The following FGF12 variants were observed in gnomAD, a reference collection of about 807,000 sequenced individuals.
The protein encoded by FGF12 is fibroblast growth factor 12B.
A neutral mutation model predicts 23.6 loss-of-function variants in FGF12; 14 were observed. The observed-to-expected ratio is 0.59, with a 90% CI of 0.39 to 0.93. The LOEUF (loss-of-function observed/expected upper bound fraction) is 0.93, where lower values mean the gene tolerates loss of function less well. FGF12 is among the 40% of genes least tolerant of loss of function. The pLI, the probability that FGF12 is intolerant of heterozygous loss-of-function variation, is 0.00. For synonymous variants in FGF12, 62 were observed against 77.3 expected (o/e 0.80, Z 1.04); for missense variants, 175 against 217.8 (o/e 0.80, Z 1.24).
chr3:192,695,494 C>T (rs1341330458), intron 2 of FGF12, among the ~76,000 whole-genome samples: 1 of 152,154 alleles, frequency 6.6e-6, no homozygotes, highest in Non-Finnish European at 1.5e-5. Context: ...ATACCAGAAA[C>T]TTTCCTATCA....
At chr3:192,305,770 T>C (rs965329291) in intron 4 of FGF12, among the ~76,000 whole-genome samples, 1 of 148,934 alleles carries the variant, frequency 6.7e-6, no homozygotes, top group Admixed American at 6.7e-5. Flanking sequence ...TGTCGGACAC[T>C]GATATTAGTG....
chr3:192,341,489 T>C (rs2108708641), intron 3 of FGF12, among the ~76,000 whole-genome samples: 1 of 152,332 alleles, frequency 6.6e-6, no homozygotes, highest in African/African-American at 2.4e-5. Flanking sequence ...TCATCTTTGA[T>C]AGTTCTCAGC....
At chr3:192,624,127 G>T (rs967350193) in intron 2 of FGF12, among the ~76,000 whole-genome samples, 3 of 151,686 alleles carry the variant, frequency 2.0e-5, no homozygotes, top group Non-Finnish European at 4.4e-5. Flanking sequence ...AGTGAAATTT[G>T]CTAATACTTT....
intron 4 of FGF12, among the ~76,000 whole-genome samples, chr3:192,227,918 T>G (rs991372078): frequency 3.9e-5 from 6 of 152,190 alleles, no homozygotes; most frequent in Non-Finnish European, 5.9e-5. Context: ...TGTTTCCTCT[T>G]TCTACTTTTC....
At chr3:192,187,101 A>T (rs1716513391) in intron 4 of FGF12, among the ~76,000 whole-genome samples, 1 of 152,188 alleles carries the variant, frequency 6.6e-6, no homozygotes, top group Admixed American at 6.5e-5. Context: ...TCATCAGTTT[A>T]GCTTGTATTC....
chr3:192,703,043 A>G (rs1234511329), intron 2 of FGF12, among the ~76,000 whole-genome samples: 1 of 152,224 alleles, frequency 6.6e-6, no homozygotes, highest in Non-Finnish European at 1.5e-5. Context: ...AAAACGGTAC[A>G]TAAGAAACAC....
intron 2 of FGF12, among the ~76,000 whole-genome samples, chr3:192,573,750 T>C (rs1712754841): frequency 6.6e-6 from 1 of 152,172 alleles, no homozygotes; most frequent in Admixed American, 6.5e-5. Flanking sequence ...CCCAACCAAA[T>C]TTGGGTATAA....
chr3:192,644,753 C>T (rs1438904499), intron 2 of FGF12, among the ~76,000 whole-genome samples: 2 of 152,236 alleles, frequency 1.3e-5, no homozygotes, highest in Non-Finnish European at 2.9e-5. Flanking sequence ...CTGAAGCCTA[C>T]GTCAGCAGAG....
intron 2 of FGF12, among the ~76,000 whole-genome samples, chr3:192,528,714 G>C (rs1305698833): frequency 6.6e-6 from 1 of 152,176 alleles, no homozygotes; most frequent in African/African-American, 2.4e-5. Context: ...TGAAATCTAG[G>C]TGGAGGTTCC....
intron 2 of FGF12, among the ~76,000 whole-genome samples, chr3:192,651,471 C>G (rs983077798): frequency 6.6e-6 from 1 of 152,000 alleles, no homozygotes; most frequent in African/African-American, 2.4e-5. Flanking sequence ...AAATAAGAGG[C>G]CTGCTTCTCA....
chr3:192,191,354 A>G (rs1282260085), intron 4 of FGF12, among the ~76,000 whole-genome samples: 3 of 152,180 alleles, frequency 2.0e-5, no homozygotes, highest in Non-Finnish European at 4.4e-5. Flanking sequence ...CCAAGAGTGA[A>G]CCCTATTGTA....
intron 2 of FGF12, among the ~76,000 whole-genome samples, chr3:192,548,992 C>T (rs1178167543): frequency 1.3e-5 from 2 of 152,188 alleles, no homozygotes; most frequent in Admixed American, 6.5e-5. Flanking sequence ...CTCTACATCA[C>T]TTCTCTATTA....
chr3:192,145,169 A>G (rs1713626098), intron 5 of FGF12, among the ~76,000 whole-genome samples: 1 of 152,232 alleles, frequency 6.6e-6, no homozygotes, highest in Non-Finnish European at 1.5e-5. Context: ...TAATTTGGAC[A>G]CATTTTCATA....
chr3:192,428,107 T>C (rs1161208020), intron 2 of FGF12, among the ~76,000 whole-genome samples: 2 of 152,212 alleles, frequency 1.3e-5, no homozygotes, highest in Non-Finnish European at 2.9e-5. Context: ...TGCAACTTTC[T>C]TGTGGTCTCC....
rs1715492630 is a variant in FGF12, at chr3:192,170,533, C to G, written c.352G>C (p.Glu118Gln). 6.2e-7 allele frequency: 1 copy of G among 1,613,962 alleles called. No homozygotes were observed. The highest frequency in any genetic ancestry group is 8.5e-7 in the Non-Finnish European group (1 of 1,179,988). ...CTGTTCCCCTTCATAATTTGACCTT[C>G]TTTATTGAGTCCCAGAAACCAAGCT... Reference protein sequence around the residue: ...GRAWFLGLNKEGQIMKGNRVK... With the variant: ...GRAWFLGLNKQGQIMKGNRVK... The change falls in exon 5 of 6, where the codon GAA becomes CAA. Residue 118 changes from glutamate to glutamine, a missense_variant. Transcript: ENST00000445105.
chr3:192,188,212 A>C (rs1328208616), intron 4 of FGF12, among the ~76,000 whole-genome samples: 3 of 152,266 alleles, frequency 2.0e-5, no homozygotes, highest in Non-Finnish European at 4.4e-5. Flanking sequence ...TTGAACTAAA[A>C]GACTGTCCAA....
At chr3:192,534,529 G>A (rs1280827927) in intron 2 of FGF12, among the ~76,000 whole-genome samples, 1 of 151,988 alleles carries the variant, frequency 6.6e-6, no homozygotes, top group African/African-American at 2.4e-5. Flanking sequence ...CCAAGTAGAT[G>A]GGACTATAGG....
At chr3:192,413,583 C>T (rs1052848316) in intron 2 of FGF12, among the ~76,000 whole-genome samples, 4 of 152,166 alleles carry the variant, frequency 2.6e-5, no homozygotes, top group Non-Finnish European at 5.9e-5. Context: ...AACAGGAAAA[C>T]ACACCTTATG....
chr3:192,295,856 A>G (rs1714999199), intron 4 of FGF12, among the ~76,000 whole-genome samples: 1 of 151,802 alleles, frequency 6.6e-6, no homozygotes, highest in Non-Finnish European at 1.5e-5. Context: ...CAATAGAAAT[A>G]TTTAATTTAA....
Sources: allele counts gnomAD v4.1 joint callset (sites outside exome capture counted in the v4.1 genomes callset), GRCh38; gene constraint gnomAD v4.1.1; transcripts MANE v1.5; gene names NCBI Gene and HGNC (gene_info 2026-07-23, HGNC 2026-07-21).